The following SDC3 variants were observed in gnomAD, a reference collection of about 807,000 sequenced individuals.
The protein encoded by SDC3 is syndecan-3.
SDC3 carries 13 observed loss-of-function variants against 24.4 expected under a neutral mutation model. The observed-to-expected ratio is 0.53, with a 90% CI of 0.35 to 0.85. The LOEUF is 0.85. Among genes scored for constraint, SDC3 ranks in the 40% least tolerant of loss-of-function variants. The pLI is 0.01. For missense variants in SDC3, 571 were observed against 584.5 expected, an observed-to-expected ratio of 0.98 and a Z score of 0.24; for synonymous variants, 295 against 260.9, an observed-to-expected ratio of 1.13 and a Z score of -1.26.
Position 30,904,800 on chromosome 1 carries a change from C to T in SDC3, c.138+3649G>A, listed in dbSNP as rs146225793. ...ACCCTCCTCCTCCAGGAAGCCTTCC[C>T]TGACCCCATCCATGCTCCCTCCCAG... is the stretch of plus-strand genomic sequence containing the variant. On this transcript the variant is annotated intron_variant, in intron 1 of 4. Transcript: ENST00000339394. Among the ~76,000 whole-genome samples the T allele has an allele frequency of 3.6e-3, 554 of 152,312 alleles. 2 individuals carry two copies. Among genetic ancestry groups the T allele is most frequent in the Middle Eastern group, 6.8e-3 (2 of 292 alleles).
chr1:30,885,353 A>T (rs932399066), intron 1 of SDC3, among the ~76,000 whole-genome samples: 1 of 152,256 alleles, frequency 6.6e-6, no homozygotes, highest in Non-Finnish European at 1.5e-5. Context: ...CAAATGCTGC[A>T]TTATAACTAA....
At chr1:30,894,539 C>T (rs7527834) in intron 1 of SDC3, among the ~76,000 whole-genome samples, 82,444 of 116,006 alleles carry the variant, frequency 0.71, 28,594 homozygotes, top group South Asian at 0.86. Context: ...TGAGAGTGTG[C>T]GTGGATGAGT....
chr1:30,876,857 TG>T lies in SDC3; in HGVS notation c.564del (p.Ser189AlafsTer15). On this transcript the variant is annotated frameshift_variant, in exon 3 of 5. Transcript: ENST00000339394. LOFTEE classifies it high-confidence loss of function. ...TVPATVATATPSTPAAPPFTA... is the reference protein window; with the variant it reads ...TVPATVATATXSTPAAPPFTA... The stretch of plus-strand genomic sequence containing the variant: ...GTAAAAGGGGGTGCTGCAGGGGTGC[TG>T]GGGGTGGCGGTGGCCACTGTGGCAG... The T allele has an allele frequency of 6.2e-7, 1 of 1,613,306 alleles. No homozygotes were observed. Among genetic ancestry groups the T allele is most frequent in the Non-Finnish European group, 8.5e-7 (1 of 1,179,694 alleles).
At chr1:30,904,870 G>A (rs764722455) in intron 1 of SDC3, among the ~76,000 whole-genome samples, 5 of 152,054 alleles carry the variant, frequency 3.3e-5, no homozygotes, top group South Asian at 2.1e-4. Context: ...AGGTGTGCTC[G>A]GTCTACTCAA....
rs143358531 is a variant in SDC3, at chr1:30,874,491, T to G, written c.968A>C (p.Glu323Ala). ...PSGDFELPEE[E>A]TTQPDTANEV... Reference sequence around the variant, plus strand: ...ATTGGCTGTGTCTGGTTGTGTGGTCTCTTCTTCTGGCAGCTCGAAGTCTCC... The same window carrying G: ...ATTGGCTGTGTCTGGTTGTGTGGTCGCTTCTTCTGGCAGCTCGAAGTCTCC... The change falls in exon 4 of 5, where the codon GAG (glutamate) becomes GCG (alanine). Residue 323 changes from glutamate to alanine, a missense_variant. By Grantham distance (107) the Glu-to-Ala change is moderately radical (BLOSUM62 -1). Around this residue, in one of 2 missense-constraint regions of SDC3, gnomAD observed 497 missense variants for 471.6 expected, o/e 1.05. Transcript: ENST00000339394. 231 of 1,614,030 alleles carry G rather than the reference T, an allele frequency of 1.4e-4. No individual in the cohort carries two copies. The highest frequency in any genetic ancestry group is 1.8e-4 in the Non-Finnish European group (208 of 1,180,022).
At chr1:30,898,285 A>G (rs1638325774) in intron 1 of SDC3, among the ~76,000 whole-genome samples, 1 of 152,006 alleles carries the variant, frequency 6.6e-6, no homozygotes, top group Admixed American at 6.5e-5. Flanking sequence ...TAGTCCCCCT[A>G]TCAATGTGCT....
intron 1 of SDC3, among the ~76,000 whole-genome samples, chr1:30,889,876 A>G (rs1488029871): frequency 1.3e-5 from 2 of 152,238 alleles, no homozygotes; most frequent in African/African-American, 4.8e-5. Flanking sequence ...ATGAAAATAT[A>G]TATGTCCACA....
intron 1 of SDC3, among the ~76,000 whole-genome samples, chr1:30,904,244 G>A (rs939260648): frequency 2.0e-4 from 30 of 152,150 alleles, no homozygotes; most frequent in African/African-American, 6.0e-4. Context: ...ATACTAAAAT[G>A]AGGATTCTAA....
chr1:30,908,949 C>T (rs1484289284), upstream of SDC3, among the ~76,000 whole-genome samples: 3 of 151,672 alleles, frequency 2.0e-5, no homozygotes, highest in Non-Finnish European at 4.4e-5. Context: ...AGTGGGCACC[C>T]GGACACCTGA....
intron 1 of SDC3, among the ~76,000 whole-genome samples, chr1:30,906,350 G>C (rs1478565297): frequency 6.6e-6 from 1 of 152,094 alleles, no homozygotes; most frequent in Non-Finnish European, 1.5e-5. Flanking sequence ...CAGCCTCTGG[G>C]CTCAGACTCC....
intron 1 of SDC3, among the ~76,000 whole-genome samples, chr1:30,898,163 CG>C (rs1358416094): frequency 6.6e-6 from 1 of 152,124 alleles, no homozygotes. Context: ...TCAGAAAGGG[CG>C]GCCCCTACAG....
At chr1:30,883,145 G>A (rs1639771304) in intron 1 of SDC3, among the ~76,000 whole-genome samples, 3 of 152,304 alleles carry the variant, frequency 2.0e-5, no homozygotes, top group Non-Finnish European at 2.9e-5. Context: ...GAGGTTAAGT[G>A]GCATTGCCAA....
chr1:30,898,988 C>G (rs1007950179), intron 1 of SDC3, among the ~76,000 whole-genome samples: 1 of 152,238 alleles, frequency 6.6e-6, no homozygotes, highest in African/African-American at 2.4e-5. Context: ...CACCACTCCT[C>G]ACCACCACCT....
At chr1:30,900,744 T>C (rs1052551393) in intron 1 of SDC3, among the ~76,000 whole-genome samples, 1 of 152,104 alleles carries the variant, frequency 6.6e-6, no homozygotes, top group Non-Finnish European at 1.5e-5. Flanking sequence ...CAATTAGATT[T>C]CCCAGATCCC....
In SDC3 at chr1:30,883,957, C is replaced by T. The variant is rs142318909; in HGVS notation, c.139-5217G>A. Among the ~76,000 whole-genome samples, 310 of 152,318 alleles carry T rather than the reference C, an allele frequency of 2.0e-3. 1 individual carries two copies. Among genetic ancestry groups the T allele is most frequent in the African/African-American group, 7.1e-3 (295 of 41,566 alleles). On this transcript the variant is annotated intron_variant, in intron 1 of 4. Transcript: ENST00000339394. Reference sequence around the variant, plus strand: ...GTGAGAACTCAGTGCCCCTCACGCTCACCAGATCCACCCCGGAGACCCAGA... The same window carrying T: ...GTGAGAACTCAGTGCCCCTCACGCTTACCAGATCCACCCCGGAGACCCAGA...
At chr1:30,891,400 G>A (rs1639901607) in intron 1 of SDC3, among the ~76,000 whole-genome samples, 1 of 152,216 alleles carries the variant, frequency 6.6e-6, no homozygotes, top group Non-Finnish European at 1.5e-5. Flanking sequence ...CTCTCTGGCA[G>A]AGGCCTGTCT....
At chr1:30,895,856 G>C (rs1408117511) in intron 1 of SDC3, among the ~76,000 whole-genome samples, 1 of 151,482 alleles carries the variant, frequency 6.6e-6, no homozygotes, top group Non-Finnish European at 1.5e-5. Flanking sequence ...AAGAGGAGGA[G>C]GGTGGGAGGA....
intron 1 of SDC3, among the ~76,000 whole-genome samples, chr1:30,896,374 A>G (rs1383645523): frequency 6.6e-6 from 1 of 152,152 alleles, no homozygotes; most frequent in Non-Finnish European, 1.5e-5. Context: ...ACGAAGTGAA[A>G]TAACATAATT....
chr1:30,892,288 CA>C (rs1639917614), intron 1 of SDC3, among the ~76,000 whole-genome samples: 1 of 152,120 alleles, frequency 6.6e-6, no homozygotes, highest in Admixed American at 6.5e-5. Flanking sequence ...CCCACTCCAC[CA>C]GGAATAGCTC....
Sources: gnomAD v4.1 joint callset for allele counts (sites outside exome capture counted in the v4.1 genomes callset) on GRCh38, gnomAD v4.1.1 for gene constraint, gnomAD v4.1.1 regional missense constraint, MANE v1.5 for transcripts, NCBI Gene and HGNC (gene_info 2026-07-23, HGNC 2026-07-21) for gene names.